DAB1: variants seen among roughly 807,000 people sequenced by gnomAD.
DAB1 encodes the protein disabled homolog 1.
Under a neutral mutation model 64.6 loss-of-function variants are expected in DAB1, and 15 were observed. The ratio of observed to expected loss-of-function variants is 0.23; its 90% CI spans 0.16 to 0.36. The LOEUF (loss-of-function observed/expected upper bound fraction) is 0.36. DAB1 is among the 10% of genes least tolerant of loss of function. The pLI, the probability that DAB1 is intolerant of heterozygous loss-of-function variation, is 1.00. For synonymous variants in DAB1, 235 were observed against 251.9 expected, an observed-to-expected ratio of 0.93 and a Z score of 0.64; for missense variants, 596 against 706.7, an observed-to-expected ratio of 0.84 and a Z score of 1.78.
chr1:58,471,739 G>C (rs1645362081), intron 3 of DAB1, among the ~76,000 whole-genome samples: 1 of 152,122 alleles, frequency 6.6e-6, no homozygotes. Flanking sequence ...TGTTTTAAAA[G>C]TGTGTAGCAC....
At chr1:57,830,756 T>C (rs1356356140) in intron 1 of DAB1, among the ~76,000 whole-genome samples, 1 of 152,188 alleles carries the variant, frequency 6.6e-6, no homozygotes, top group African/African-American at 2.4e-5. Context: ...AGACTGTTTA[T>C]GCAGAAAACC....
intron 4 of DAB1, among the ~76,000 whole-genome samples, chr1:58,245,759 T>C (rs114780288): frequency 0.01 from 1,577 of 152,296 alleles, 35 homozygotes; most frequent in African/African-American, 0.037. Flanking sequence ...CAATTTTTAA[T>C]GTAATTTAAA....
At chr1:58,383,125 A>C (rs902898837) in intron 3 of DAB1, among the ~76,000 whole-genome samples, 2 of 130,900 alleles carry the variant, frequency 1.5e-5, no homozygotes, top group Non-Finnish European at 3.5e-5. Context: ...TACACAAAGA[A>C]GTATTCATGG....
chr1:58,209,488 T>C (rs1658445128), intron 4 of DAB1, among the ~76,000 whole-genome samples: 1 of 152,128 alleles, frequency 6.6e-6, no homozygotes, highest in Admixed American at 6.5e-5. Flanking sequence ...TTGGTAAATA[T>C]GCTAAGTAGC....
intron 4 of DAB1, among the ~76,000 whole-genome samples, chr1:58,293,212 G>T (rs1170754662): frequency 3.9e-5 from 6 of 152,200 alleles, no homozygotes; most frequent in Non-Finnish European, 7.3e-5. Flanking sequence ...CATGACTTGA[G>T]TCTAGCTCAA....
chr1:57,388,430 C>T (rs574533078), intron 1 of DAB1, among the ~76,000 whole-genome samples: 2 of 152,248 alleles, frequency 1.3e-5, no homozygotes, highest in South Asian at 2.1e-4. Flanking sequence ...TCCCAGTCCT[C>T]GTGTAGGTGG....
intron 7 of DAB1, among the ~76,000 whole-genome samples, chr1:57,491,778 T>C (rs1434575338): frequency 6.6e-6 from 1 of 152,152 alleles, no homozygotes; most frequent in Non-Finnish European, 1.5e-5. Context: ...CCACGTAGCA[T>C]CACATAAGCT....
chr1:57,769,164 C>T (rs370319391), intron 6 of DAB1, among the ~76,000 whole-genome samples: 5 of 152,018 alleles, frequency 3.3e-5, no homozygotes, highest in Admixed American at 1.3e-4. Flanking sequence ...AATGAATGCA[C>T]GAAATAACCT....
rs561097518 is a variant in DAB1, at chr1:58,221,648, G to T, written n.310-71060C>A. Among the ~76,000 whole-genome samples the T allele has an allele frequency of 4.0e-4, 61 of 152,308 alleles. 1 individual carries two copies. The highest frequency in any genetic ancestry group is 2.6e-4 in the Non-Finnish European group (18 of 68,030). On this transcript the variant is annotated intron_variant and non_coding_transcript_variant, in intron 4 of 20. Transcript: ENST00000485760. Reference sequence around the variant, plus strand: ...CTCTCACTTTATCTGTGAAATGGGGGCAATGCTACTTGCTCTGGTGACTTC... The same window carrying T: ...CTCTCACTTTATCTGTGAAATGGGGTCAATGCTACTTGCTCTGGTGACTTC...
intron 5 of DAB1, among the ~76,000 whole-genome samples, chr1:58,145,586 C>T (rs1654546273): frequency 6.6e-6 from 1 of 152,218 alleles, no homozygotes; most frequent in South Asian, 2.1e-4. Context: ...TTATTGAAAT[C>T]ATCCAGTCCA....
At chr1:57,238,841 G>GCACACACACACACACATACA (rs1668284149) in intron 2 of DAB1, among the ~76,000 whole-genome samples, 2 of 138,298 alleles carry the variant, frequency 1.4e-5, no homozygotes, top group African/African-American at 5.5e-5. Context: ...GTGCACATGC[G>GCACACACACACACACATACA]CACACACACA....
intron 2 of DAB1, among the ~76,000 whole-genome samples, chr1:57,201,261 GA>G (rs140472422): frequency 0.032 from 4,727 of 149,548 alleles, 169 homozygotes; most frequent in South Asian, 0.087. Flanking sequence ...TGGTATAACA[GA>G]AAAAAAAAAT....
intron 3 of DAB1, among the ~76,000 whole-genome samples, chr1:58,504,193 A>C (rs1300197504): frequency 6.6e-6 from 1 of 152,214 alleles, no homozygotes; most frequent in Non-Finnish European, 1.5e-5. Flanking sequence ...AGTGAAAGTC[A>C]AGTCCTTACA....
chr1:57,046,771 A>G (rs1463823002), intron 9 of DAB1, among the ~76,000 whole-genome samples: 1 of 152,238 alleles, frequency 6.6e-6, no homozygotes, highest in Non-Finnish European at 1.5e-5. Context: ...CAAAGGAGCA[A>G]GCATGCATCA....
chr1:57,500,576 C>A (rs1024230602), intron 7 of DAB1, among the ~76,000 whole-genome samples: 3 of 152,180 alleles, frequency 2.0e-5, no homozygotes, highest in African/African-American at 7.2e-5. Flanking sequence ...GAAATCTCAA[C>A]AAATTCATAC....
intron 7 of DAB1, among the ~76,000 whole-genome samples, chr1:57,603,852 T>A (rs1420330186): frequency 6.6e-6 from 1 of 152,222 alleles, no homozygotes; most frequent in African/African-American, 2.4e-5. Flanking sequence ...TAGTAAATGC[T>A]ATTCGCCTCC....
chr1:57,522,462 T>G (rs998323340), intron 7 of DAB1, among the ~76,000 whole-genome samples: 3 of 152,204 alleles, frequency 2.0e-5, no homozygotes, highest in African/African-American at 7.2e-5. Flanking sequence ...TGTATTAGTT[T>G]GTTCTCACAC....
intron 6 of DAB1, among the ~76,000 whole-genome samples, chr1:57,667,454 T>C (rs936608461): frequency 6.6e-6 from 1 of 152,124 alleles, no homozygotes; most frequent in Non-Finnish European, 1.5e-5. Context: ...ATTTGTTTAT[T>C]GTTTCTCTCA....
chr1:57,801,791 C>T (rs934885784), intron 6 of DAB1, among the ~76,000 whole-genome samples: 4 of 152,006 alleles, frequency 2.6e-5, no homozygotes, highest in South Asian at 2.1e-4. Context: ...CTGAGTAGCT[C>T]GGACTACAGG....
Sources: allele counts gnomAD v4.1 joint callset (sites outside exome capture counted in the v4.1 genomes callset), GRCh38; gene constraint gnomAD v4.1.1; transcripts MANE v1.5; gene names NCBI Gene and HGNC (gene_info 2026-07-23, HGNC 2026-07-21).